The following ROBO2 variants were observed in gnomAD, a reference collection of about 807,000 sequenced individuals.
ROBO2 encodes the protein roundabout guidance receptor 2, also known as roundabout homolog 2.
A neutral mutation model predicts 160.8 loss-of-function variants in ROBO2; 53 were observed. That is an observed-to-expected ratio of 0.33 (90% CI 0.26 to 0.41). ROBO2 has a LOEUF of 0.41. Among genes scored for constraint, ROBO2 ranks in the 10% least tolerant of loss-of-function variants. The pLI is 1.00. For missense variants in ROBO2, 1,577 were observed against 1,722.4 expected (o/e 0.92, Z 1.49); for synonymous variants, 664 against 611.7 (o/e 1.09, Z -1.26).
At chr3:77,024,831 T>C (rs1472961992) in intron 2 of ROBO2, among the ~76,000 whole-genome samples, 1 of 152,216 alleles carries the variant, frequency 6.6e-6, no homozygotes, top group Non-Finnish European at 1.5e-5. Flanking sequence ...TTTTGAACTA[T>C]GGAGTTAATT....
At position 77,221,681 on chromosome 3, in the gene ROBO2, C is replaced by T. The variant is rs370432459; in HGVS notation, c.388+123341C>T. 4.6e-5 allele frequency among the ~76,000 whole-genome samples: 7 copies of T among 152,016 alleles called. 1 individual carries two copies. Among genetic ancestry groups the T allele is most frequent in the Admixed American group, 1.3e-4 (2 of 15,256 alleles). The stretch of plus-strand genomic sequence containing the variant: ...AAGTGCCCATCCATTCACCAGTTCA[C>T]CAAGATATGTAAAAACTTGGCAGTT... On this transcript the variant is annotated intron_variant, in intron 2 of 25. Transcript: ENST00000461745.
chr3:76,746,968 CAA>C (rs2108148183), intron 2 of ROBO2, among the ~76,000 whole-genome samples: 1 of 152,208 alleles, frequency 6.6e-6, no homozygotes, highest in East Asian at 1.9e-4. Context: ...CATGTCCCTG[CAA>C]ACAACGTGAT....
chr3:76,693,761 G>C (rs1251405707), intron 2 of ROBO2, among the ~76,000 whole-genome samples: 1 of 152,154 alleles, frequency 6.6e-6, no homozygotes, highest in Non-Finnish European at 1.5e-5. Flanking sequence ...TGTAGTTCTA[G>C]ATGTCTAAGG....
chr3:77,236,720 C>G (rs1225018239), intron 2 of ROBO2, among the ~76,000 whole-genome samples: 1 of 152,170 alleles, frequency 6.6e-6, no homozygotes, highest in Non-Finnish European at 1.5e-5. Flanking sequence ...AACCCTTGCC[C>G]CCTGAAAACC....
At chr3:77,576,082 C>T (rs1260651968) in intron 14 of ROBO2, among the ~76,000 whole-genome samples, 2 of 151,958 alleles carry the variant, frequency 1.3e-5, no homozygotes, top group African/African-American at 4.8e-5. Context: ...GAGCCAGCAG[C>T]AAGGTGAATG....
At chr3:77,313,326 A>G (rs2063707467) in intron 2 of ROBO2, among the ~76,000 whole-genome samples, 2 of 152,176 alleles carry the variant, frequency 1.3e-5, no homozygotes, top group African/African-American at 4.8e-5. Context: ...TATCAGGGTA[A>G]TTAGCATATC....
intron 2 of ROBO2, among the ~76,000 whole-genome samples, chr3:76,227,453 C>T (rs1704358048): frequency 6.6e-6 from 1 of 152,098 alleles, no homozygotes; most frequent in African/African-American, 2.4e-5. Context: ...ACTTTGTACA[C>T]CTCAAATAAA....
At chr3:76,874,670 T>G (rs1388453383) in intron 2 of ROBO2, among the ~76,000 whole-genome samples, 1 of 151,442 alleles carries the variant, frequency 6.6e-6, no homozygotes, top group Non-Finnish European at 1.5e-5. Flanking sequence ...ATTAAGCAAC[T>G]AACATTAAAT....
chr3:77,502,763 A>C (rs1013838346), intron 5 of ROBO2, among the ~76,000 whole-genome samples: 11 of 152,212 alleles, frequency 7.2e-5, no homozygotes, highest in African/African-American at 2.7e-4. Flanking sequence ...GATGATTTAA[A>C]GTTGCAGGAG....
In ROBO2 at chr3:76,023,878, C is replaced by T. The variant is rs80292706; in HGVS notation, c.109+86276C>T. ...AAGAAAAGTGCAATAAAACAAGGTA[C>T]GCTTGCCATTGCTCCAGGTTACAGA... On this transcript the variant is annotated intron_variant, in intron 2 of 26. Transcript: ENST00000487694. 6.9e-3 allele frequency among the ~76,000 whole-genome samples: 1,050 copies of T among 151,480 alleles called. 72 individuals carry two copies. The East Asian group carries it at 0.17, about 25-fold the overall frequency.
intron 2 of ROBO2, among the ~76,000 whole-genome samples, chr3:76,681,142 C>G (rs1420258263): frequency 6.6e-6 from 1 of 152,002 alleles, no homozygotes. Context: ...ATATGAATAC[C>G]ACAAAGACAA....
chr3:76,187,943 C>T (rs1701839446), intron 2 of ROBO2, among the ~76,000 whole-genome samples: 1 of 152,042 alleles, frequency 6.6e-6, no homozygotes, highest in African/African-American at 2.4e-5. Context: ...TTTAAAAGCC[C>T]CGAATAATAT....
intron 1 of ROBO2, among the ~76,000 whole-genome samples, chr3:75,907,540 A>ACG (rs1946399859): frequency 6.6e-6 from 1 of 152,134 alleles, no homozygotes; most frequent in Non-Finnish European, 1.5e-5. Context: ...GTGAGATGTG[A>ACG]CGGCAATATA....
At chr3:76,293,033 A>C (rs1373418830) in intron 2 of ROBO2, among the ~76,000 whole-genome samples, 1 of 151,730 alleles carries the variant, frequency 6.6e-6, no homozygotes, top group African/African-American at 2.4e-5. Flanking sequence ...TGGCATTGTT[A>C]GGATATATAA....
At chr3:77,193,274 T>TC (rs2082026988) in intron 2 of ROBO2, among the ~76,000 whole-genome samples, 1 of 135,602 alleles carries the variant, frequency 7.4e-6, no homozygotes, top group Non-Finnish European at 1.7e-5. Context: ...AACAGATAAT[T>TC]CAAAAAAAAA....
chr3:77,155,220 C>CATAT (rs2077899137), intron 2 of ROBO2, among the ~76,000 whole-genome samples: 1 of 151,892 alleles, frequency 6.6e-6, no homozygotes, highest in African/African-American at 2.4e-5. Flanking sequence ...TATATCTGTG[C>CATAT]ATATATCAGA....
intron 2 of ROBO2, among the ~76,000 whole-genome samples, chr3:77,145,297 CTGAGAAACATGTTTGAAGTT>C (rs1164491855): frequency 3.3e-5 from 5 of 152,030 alleles, no homozygotes; most frequent in Non-Finnish European, 2.9e-5. Flanking sequence ...ATATTGATTC[CTGAGAAACATGTTTGAAGTT>C]TGAACCTTCT....
chr3:77,617,434 C>A (rs1255170360), intron 21 of ROBO2, 79 bp from the exon 23 acceptor site: 26 of 1,531,098 alleles, frequency 1.7e-5, no homozygotes, highest in Non-Finnish European at 2.3e-5. Flanking sequence ...GTGGTTGCTA[C>A]TTATTGCCAG....
At chr3:76,705,853 G>T (rs1433689539) in intron 2 of ROBO2, among the ~76,000 whole-genome samples, 1 of 152,206 alleles carries the variant, frequency 6.6e-6, no homozygotes, top group Admixed American at 6.6e-5. Flanking sequence ...TGTGACCTGT[G>T]ATCTCAAAAT....
Sources: allele counts gnomAD v4.1 joint callset (sites outside exome capture counted in the v4.1 genomes callset), GRCh38; gene constraint gnomAD v4.1.1; transcripts MANE v1.5; gene names NCBI Gene and HGNC (gene_info 2026-07-23, HGNC 2026-07-21).